The following CFAP61 variants were observed in gnomAD, a reference collection of about 807,000 sequenced individuals.
CFAP61 encodes the protein cilia- and flagella-associated protein 61.
A neutral mutation model predicts 135.6 loss-of-function variants in CFAP61; 107 were observed. The observed-to-expected ratio is 0.79, with a 90% CI of 0.67 to 0.93. CFAP61 has a LOEUF of 0.93. CFAP61 is among the 40% of genes least tolerant of loss of function. The pLI is 0.00. For missense variants in CFAP61, 1,507 were observed against 1,556.2 expected, an observed-to-expected ratio of 0.97 and a Z score of 0.53; for synonymous variants, 575 against 578.5, an observed-to-expected ratio of 0.99 and a Z score of 0.09.
chr20:20,136,978 C>T (rs1348680487), intron 8 of CFAP61, among the ~76,000 whole-genome samples: 1 of 152,018 alleles, frequency 6.6e-6, no homozygotes, highest in Non-Finnish European at 1.5e-5. Flanking sequence ...GTACACAGAG[C>T]CCAGTAACAT....
intron 16 of CFAP61, 65 bp downstream of exon 16, chr20:20,196,841 G>T: frequency 7.4e-7 from 1 of 1,343,798 alleles, no homozygotes; most frequent in Non-Finnish European, 1.1e-6. Flanking sequence ...GGTGTTGTAC[G>T]CCGCATTCTA....
chr20:20,274,677 A>AT (rs1569226903), intron 21 of CFAP61, among the ~76,000 whole-genome samples: 1 of 152,132 alleles, frequency 6.6e-6, no homozygotes, highest in African/African-American at 2.4e-5. Flanking sequence ...AAAAATGAAA[A>AT]TAAAAAAAAG....
intron 25 of CFAP61, among the ~76,000 whole-genome samples, chr20:20,312,726 C>T (rs755789828): frequency 2.6e-5 from 4 of 152,056 alleles, no homozygotes; most frequent in African/African-American, 9.7e-5. Flanking sequence ...TCTTTACAGA[C>T]GAATAAGATG....
chr20:20,323,954 G>T (rs1031118144), intron 25 of CFAP61, among the ~76,000 whole-genome samples: 1 of 151,930 alleles, frequency 6.6e-6, no homozygotes, highest in Non-Finnish European at 1.5e-5. Flanking sequence ...ATTTTTTAAC[G>T]ACTGGATAGA....
In CFAP61 at chr20:20,187,927, C is replaced by A. The variant is rs759649508; in HGVS notation, c.1386-3C>A. ...TTAAAAATATATTCCTCTCCTTACC[C>A]AGGTCCATTAATATAAGATTTGCCA... On this transcript the variant is annotated splice_polypyrimidine_tract_variant and splice_region_variant and intron_variant, in intron 13 of 26. Transcript: ENST00000245957. 4 of 1,611,264 alleles carry A rather than the reference C, an allele frequency of 2.5e-6. No homozygotes were observed. The highest frequency in any genetic ancestry group is 2.5e-6 in the Non-Finnish European group (3 of 1,177,486).
At chr20:20,296,079 T>TGC in intron 24 of CFAP61, among the ~76,000 whole-genome samples, 1 of 27,554 alleles carries the variant, frequency 3.6e-5, no homozygotes, top group Non-Finnish European at 8.4e-5. Context: ...CTTCCCTCCT[T>TGC]TTCTTCCTTC....
intron 26 of CFAP61, among the ~76,000 whole-genome samples, chr20:20,355,087 A>AAGGTGGTCACACTGTGAGGGGGG (rs1602164226): frequency 1.3e-5 from 1 of 77,442 alleles, no homozygotes; most frequent in Non-Finnish European, 2.6e-5. Flanking sequence ...TGTGAGAGGG[A>AAGGTGGTCACACTGTGAGGGGGG]AGGTGGTCAC....
intron 26 of CFAP61, among the ~76,000 whole-genome samples, chr20:20,355,775 G>A (rs1356562011): frequency 2.2e-5 from 3 of 134,716 alleles, no homozygotes; most frequent in African/African-American, 3.0e-5. Flanking sequence ...GTCACACTGT[G>A]AGGGGAGGTG....
chr20:20,205,614 T>C (rs2056823583), intron 17 of CFAP61, among the ~76,000 whole-genome samples: 2 of 152,202 alleles, frequency 1.3e-5, no homozygotes, highest in East Asian at 3.9e-4. Context: ...CCAGTGCAGT[T>C]TGAATTTTCC....
At chr20:20,137,974 C>T (rs1241036134) in intron 8 of CFAP61, among the ~76,000 whole-genome samples, 1 of 152,112 alleles carries the variant, frequency 6.6e-6, no homozygotes, top group Non-Finnish European at 1.5e-5. Flanking sequence ...CATGATGAAT[C>T]CTACTAGGAC....
intron 17 of CFAP61, among the ~76,000 whole-genome samples, chr20:20,209,802 G>A (rs1052287995): frequency 6.6e-6 from 1 of 152,186 alleles, no homozygotes; most frequent in Non-Finnish European, 1.5e-5. Flanking sequence ...TGGCATCGTG[G>A]CAGGCGGGGA....
intron 25 of CFAP61, among the ~76,000 whole-genome samples, chr20:20,306,648 A>G (rs1332897546): frequency 3.3e-5 from 5 of 152,022 alleles, no homozygotes; most frequent in African/African-American, 1.2e-4. Flanking sequence ...GTGGGAGCCC[A>G]TGTCTATTAA....
chr20:20,159,396 C>T lies in CFAP61; in HGVS notation c.978C>T (p.Ser326=), dbSNP rs188499965. 2.9e-5 allele frequency: 47 copies of T among 1,613,952 alleles called. No homozygotes were observed. The highest frequency in any genetic ancestry group is 1.3e-4 in the Admixed American group (8 of 60,022). Residue 326 remains serine, a synonymous_variant, in exon 10 of 27, where the codon TCC becomes TCT. Coordinates refer to ENST00000245957, the MANE Select transcript of CFAP61 (RefSeq NM_015585.4). Reference sequence around the variant, plus strand: ...GAAATATTGCCAGAGAAGCTGCATCCGAGGAAGCTTTAACAGCAGTCCAAA... The same window carrying T: ...GAAATATTGCCAGAGAAGCTGCATCTGAGGAAGCTTTAACAGCAGTCCAAA... The part of the protein sequence containing the change: ...IQGNIAREAA[S]EEALTAVQSG...
At chr20:20,282,191 T>A (rs987700571) in intron 22 of CFAP61, among the ~76,000 whole-genome samples, 1 of 152,170 alleles carries the variant, frequency 6.6e-6, no homozygotes, top group Non-Finnish European at 1.5e-5. Flanking sequence ...TCTGACTCTC[T>A]CTCTTTCTCT....
intron 25 of CFAP61, among the ~76,000 whole-genome samples, chr20:20,319,308 G>C (rs1011968768): frequency 3.9e-5 from 6 of 152,184 alleles, no homozygotes; most frequent in Non-Finnish European, 8.8e-5. Flanking sequence ...GAGATAATGA[G>C]GCAATGTCTT....
rs191277725 is a variant in CFAP61 at position 20,144,782 on chromosome 20, G to A, written c.951+1834G>A. Reference sequence around the variant, plus strand: ...CTTAAAAGCAGCCAGGAGTAGATTTGGGGGAAGTCAAGTTAGGAACAGAGA... The same window carrying A: ...CTTAAAAGCAGCCAGGAGTAGATTTAGGGGAAGTCAAGTTAGGAACAGAGA... On this transcript the variant is annotated intron_variant, in intron 9 of 26. Transcript: ENST00000245957. 1.4e-4 allele frequency among the ~76,000 whole-genome samples: 22 copies of A among 152,166 alleles called. No individual in the cohort carries two copies. The East Asian group carries it at 3.3e-3, about 23-fold the overall frequency.
intron 25 of CFAP61, among the ~76,000 whole-genome samples, chr20:20,328,797 C>T (rs2057861037): frequency 6.6e-6 from 1 of 152,194 alleles, no homozygotes; most frequent in Admixed American, 6.5e-5. Context: ...GACGTGACTA[C>T]TTAACGGGGA....
At chr20:20,056,535 TCACTCTGAC>T (rs1218446585) in intron 1 of CFAP61, 74 bp from the exon 2 acceptor site, 1 of 952,354 alleles carries the variant, frequency 1.1e-6, no homozygotes, top group Non-Finnish European at 1.6e-6. Flanking sequence ...CACACCATGT[TCACTCTGAC>T]CACATGGAAA....
At chr20:20,197,607 G>A (rs984813912) in intron 16 of CFAP61, among the ~76,000 whole-genome samples, 3 of 151,700 alleles carry the variant, frequency 2.0e-5, no homozygotes, top group Admixed American at 6.6e-5. Flanking sequence ...ACACTCATGA[G>A]TTCACACATA....
Sources: gnomAD v4.1 joint callset for allele counts (sites outside exome capture counted in the v4.1 genomes callset) on GRCh38, gnomAD v4.1.1 for gene constraint, MANE v1.5 for transcripts, NCBI Gene and HGNC (gene_info 2026-07-23, HGNC 2026-07-21) for gene names.